Variants in TPO observed in about 807,000 individuals in gnomAD.
The protein encoded by TPO is thyroid microsomal antigen.
TPO carries 78 observed loss-of-function variants against 96.9 expected under a neutral mutation model. That is an observed-to-expected ratio of 0.81 (90% CI 0.67 to 0.97). The LOEUF is 0.97. Ranked by LOEUF, TPO falls within the 50% of genes least tolerant of loss-of-function variation. TPO has a pLI of 0.00. For synonymous variants in TPO, 547 were observed against 538.0 expected (o/e 1.02, Z -0.23); for missense variants, 1,252 against 1,274.8 (o/e 0.98, Z 0.27).
intron 7 of TPO, among the ~76,000 whole-genome samples, chr2:1,467,296 G>T (rs745936015): frequency 2.0e-5 from 3 of 151,880 alleles, no homozygotes; most frequent in Non-Finnish European, 2.9e-5. Context: ...GTAGAGATTG[G>T]GTTTCACCAT....
At chr2:1,422,397 C>CAGCCGCCTCTCCTGGACAGACCTCGTG (rs1467468825) in intron 2 of TPO, among the ~76,000 whole-genome samples, 1 of 54,876 alleles carries the variant, frequency 1.8e-5, no homozygotes, top group African/African-American at 1.0e-4. Flanking sequence ...CCGCGCTGGG[C>CAGCCGCCTCTCCTGGACAGACCTCGTG]CATGGGGAGA....
At chr2:1,482,348 C>G (rs1292002914) in intron 8 of TPO, among the ~76,000 whole-genome samples, 2 of 152,158 alleles carry the variant, frequency 1.3e-5, no homozygotes, top group Admixed American at 1.3e-4. Flanking sequence ...AGAGTGGCCA[C>G]AAGTCAGCAC....
rs538192676 is a variant in TPO at position 1,395,809 on chromosome 2, G to T, written n.180+21407G>T. On this transcript the variant is annotated intron_variant and non_coding_transcript_variant, in intron 1 of 5. Coordinates refer to the TPO transcript ENST00000497517. ...GTGACTAAGTCTCATGAGATCTGATGGTTTTATAAAGGGCAGTTCCCCTGC... is the reference window on the plus strand; with the variant it reads ...GTGACTAAGTCTCATGAGATCTGATTGTTTTATAAAGGGCAGTTCCCCTGC... 4.6e-5 allele frequency among the ~76,000 whole-genome samples: 7 copies of T among 152,154 alleles called. No homozygotes were observed. In the East Asian group the frequency reaches 5.8e-4, roughly 13 times the overall value.
At chr2:1,433,197 C>T (rs1390634819) in intron 3 of TPO, among the ~76,000 whole-genome samples, 1 of 152,184 alleles carries the variant, frequency 6.6e-6, no homozygotes, top group Admixed American at 6.5e-5. Context: ...AAGGGCAAGT[C>T]TGTGCCATTT....
rs1668679911 is a variant in TPO at position 1,464,061 on chromosome 2, C to T, written c.819+7779C>T. On this transcript the variant is annotated intron_variant, in intron 7 of 16. Coordinates refer to ENST00000329066, the MANE Select transcript of TPO (RefSeq NM_001206744.2). ...CTCTCACTCCCTTCCCACCCTTTCCCCCTGAGTCCCCAAAGTCCACTGTGT... is the reference window on the plus strand; with the variant it reads ...CTCTCACTCCCTTCCCACCCTTTCCTCCTGAGTCCCCAAAGTCCACTGTGT... Among the ~76,000 whole-genome samples the T allele has an allele frequency of 2.6e-5, 4 of 152,130 alleles. No homozygotes were observed. The South Asian group carries it at 8.3e-4, about 32-fold the overall frequency.
intron 3 of TPO, among the ~76,000 whole-genome samples, chr2:1,428,470 C>T (rs1215602018): frequency 1.3e-5 from 2 of 152,180 alleles, no homozygotes; most frequent in Non-Finnish European, 2.9e-5. Flanking sequence ...GGCAGCATGG[C>T]CTGGGGACCT....
chr2:1,541,858 T>C (rs2125361561), intron 16 of TPO: 1 of 154,800 alleles, frequency 6.5e-6, no homozygotes, highest in South Asian at 2.0e-4. Context: ...ACATGATCGG[T>C]CTCCCTTCTG....
chr2:1,477,156 G>A lies in TPO; in HGVS notation c.890G>A (p.Gly297Asp), dbSNP rs1476222460. 1.2e-6 allele frequency: 2 copies of A among 1,610,226 alleles called. No homozygotes were observed. Among genetic ancestry groups the A allele is most frequent in the Non-Finnish European group, 1.7e-6 (2 of 1,179,110 alleles). The change falls in exon 8 of 17, where the codon GGC becomes GAC. Residue 297 changes from glycine to aspartate, a missense_variant. Transcript: ENST00000329066. ...TTCTACCGCTCTTCGGCCGCCTGCG[G>A]CACCGGGGACCAAGGCGCGCTCTTT... ...LPFYRSSAAC[G>D]TGDQGALFGN...
intron 14 of TPO, among the ~76,000 whole-genome samples, chr2:1,505,328 C>A (rs1438677445): frequency 2.0e-5 from 3 of 150,366 alleles, no homozygotes; most frequent in African/African-American, 7.4e-5. Flanking sequence ...CTGAGTCAGG[C>A]ACACCCCACC....
chr2:1,519,119 G>C (rs558126993), intron 15 of TPO, among the ~76,000 whole-genome samples: 1 of 152,176 alleles, frequency 6.6e-6, no homozygotes, highest in Admixed American at 6.5e-5. Flanking sequence ...GGGAGGCCGG[G>C]GGAGCCGCCT....
chr2:1,451,260 G>C (rs1440705294), intron 5 of TPO, among the ~76,000 whole-genome samples: 4 of 152,184 alleles, frequency 2.6e-5, no homozygotes, highest in Non-Finnish European at 5.9e-5. Context: ...TGTTGCCCAG[G>C]TTACAAACAG....
intron 14 of TPO, among the ~76,000 whole-genome samples, chr2:1,516,588 T>C (rs1427576164): frequency 2.0e-5 from 3 of 152,180 alleles, no homozygotes; most frequent in Non-Finnish European, 4.4e-5. Flanking sequence ...CAGCAAGGTG[T>C]GCTTTCTGTC....
Position 1,441,194 on chromosome 2 carries a change from C to A in TPO, c.482+4810C>A, listed in dbSNP as rs888121629. Reference sequence around the variant, plus strand: ...ACGTTGGAAGGGAATAGGGCAGGGTCCTTCTTGTTTGTGTGGTGTAGTCAG... The same window carrying A: ...ACGTTGGAAGGGAATAGGGCAGGGTACTTCTTGTTTGTGTGGTGTAGTCAG... On this transcript the variant is annotated intron_variant, in intron 5 of 16. Coordinates refer to ENST00000329066, the MANE Select transcript of TPO (RefSeq NM_001206744.2). Among the ~76,000 whole-genome samples the A allele has an allele frequency of 5.3e-4, 81 of 151,852 alleles. 1 individual carries two copies. Among genetic ancestry groups the A allele is most frequent in the African/African-American group, 2.0e-3 (81 of 41,424 alleles).
intron 8 of TPO, chr2:1,478,235 G>C: frequency 1.0e-6 from 1 of 985,416 alleles, no homozygotes; most frequent in Non-Finnish European, 1.2e-6. Context: ...TTGTGTGATG[G>C]AGAAAAGCAC....
intron 12 of TPO, 24 bp from the exon 13 acceptor site, chr2:1,496,571 T>A (rs758995832): frequency 4.3e-6 from 7 of 1,613,432 alleles, no homozygotes; most frequent in African/African-American, 1.3e-5. Flanking sequence ...TTTGACTACA[T>A]GTCAACCTGT....
chr2:1,505,849 GT>G lies in TPO; in HGVS notation c.2518+1783del, dbSNP rs56300488. On this transcript the variant is annotated intron_variant, in intron 14 of 16. Coordinates refer to ENST00000329066, the MANE Select transcript of TPO (RefSeq NM_001206744.2). ...AATTCTTGTGGCTTTCTTTTTGGCAGTTTTTTTTTTTTTAGTTTTATTATTA... is the reference window on the plus strand; with the variant it reads ...AATTCTTGTGGCTTTCTTTTTGGCAGTTTTTTTTTTTTAGTTTTATTATTA... Among the ~76,000 whole-genome samples, 1,155 of 141,614 alleles carry G rather than the reference GT, an allele frequency of 8.2e-3. 18 individuals carry two copies. The highest frequency in any genetic ancestry group is 0.028 in the African/African-American group (1,072 of 38,456). 92.9% of individuals were successfully genotyped at this position (141,614 alleles called of 152,430 possible).
At chr2:1,486,517 A>C (rs1016621819) in intron 9 of TPO, among the ~76,000 whole-genome samples, 1 of 152,214 alleles carries the variant, frequency 6.6e-6, no homozygotes, top group Non-Finnish European at 1.5e-5. Context: ...AGACTGGGCA[A>C]CAGAGTGAAA....
chr2:1,412,725 G>T (rs1284642795), upstream of TPO, among the ~76,000 whole-genome samples: 1 of 152,156 alleles, frequency 6.6e-6, no homozygotes, highest in Non-Finnish European at 1.5e-5. Flanking sequence ...AGGACTTCCG[G>T]GGGCATGAAG....
At chr2:1,463,610 C>T (rs547451270) in intron 7 of TPO, among the ~76,000 whole-genome samples, 75 of 152,210 alleles carry the variant, frequency 4.9e-4, no homozygotes, top group Non-Finnish European at 8.8e-4. Flanking sequence ...GAGTCTCTGA[C>T]TACTGATCAC....
Sources: gnomAD v4.1 joint callset for allele counts (sites outside exome capture counted in the v4.1 genomes callset) on GRCh38, gnomAD v4.1.1 for gene constraint, MANE v1.5 for transcripts, NCBI Gene and HGNC (gene_info 2026-07-23, HGNC 2026-07-21) for gene names.